RIT2: variants seen among roughly 807,000 people sequenced by gnomAD.
RIT2 encodes the protein GTP-binding protein Rit2.
In RIT2, 24 loss-of-function variants were observed where a neutral mutation model predicts 23.7. The ratio of observed to expected loss-of-function variants is 1.01; its 90% CI spans 0.73 to 1.43. The LOEUF is 1.43. RIT2 is among the 40% of genes most tolerant of loss of function. RIT2 has a pLI of 0.00. For missense variants in RIT2, 236 were observed against 266.9 expected (o/e 0.88, Z 0.81); for synonymous variants, 107 against 91.1 (o/e 1.17, Z -0.99).
intron 1 of RIT2, among the ~76,000 whole-genome samples, chr18:43,094,083 A>C (rs1913488757): frequency 6.6e-6 from 1 of 150,416 alleles, no homozygotes; most frequent in Non-Finnish European, 1.5e-5. Context: ...GCAAAAATCC[A>C]TGAAGAACAT....
intron 4 of RIT2, among the ~76,000 whole-genome samples, chr18:42,778,921 A>G (rs1913741930): frequency 1.3e-5 from 2 of 152,170 alleles, no homozygotes; most frequent in African/African-American, 4.8e-5. Context: ...CCTCTGGACA[A>G]GAGATTGGTT....
At chr18:42,992,429 C>A (rs1467476608) in intron 2 of RIT2, among the ~76,000 whole-genome samples, 1 of 152,112 alleles carries the variant, frequency 6.6e-6, no homozygotes, top group African/African-American at 2.4e-5. Flanking sequence ...CTTCCCAATG[C>A]AACTCGTCCC....
intron 4 of RIT2, among the ~76,000 whole-genome samples, chr18:42,770,814 G>C (rs1459802104): frequency 6.6e-6 from 1 of 150,530 alleles, no homozygotes; most frequent in African/African-American, 2.4e-5. Flanking sequence ...AAGAAAGAAA[G>C]GAAAGAAGAG....
At chr18:43,101,643 A>G (rs560251544) in intron 1 of RIT2, among the ~76,000 whole-genome samples, 28 of 152,324 alleles carry the variant, frequency 1.8e-4, no homozygotes, top group African/African-American at 6.7e-4. Flanking sequence ...TGCTGTTTCA[A>G]ACATGCCAGG....
At chr18:42,827,530 A>T (rs1906329078) in intron 4 of RIT2, among the ~76,000 whole-genome samples, 1 of 152,110 alleles carries the variant, frequency 6.6e-6, no homozygotes, top group South Asian at 2.1e-4. Flanking sequence ...AAGGTAAAAA[A>T]ACTAGGGAAG....
rs567635919 is a variant in RIT2, at chr18:42,842,694, A to G, written c.426+80878T>C. Among the ~76,000 whole-genome samples the G allele has an allele frequency of 2.6e-5, 4 of 152,268 alleles. 1 individual carries two copies. In the South Asian group the frequency reaches 8.3e-4, roughly 32 times the overall value. On this transcript the variant is annotated intron_variant, in intron 4 of 4. Coordinates refer to ENST00000326695, the MANE Select transcript of RIT2 (RefSeq NM_002930.4). ...AATTCAAAATGCTCCAAAATTTGAA[A>G]CATTTTGATGTACCAACACGATGCC...
At chr18:42,770,230 G>T (rs1389466799) in intron 4 of RIT2, among the ~76,000 whole-genome samples, 1 of 152,150 alleles carries the variant, frequency 6.6e-6, no homozygotes, top group Non-Finnish European at 1.5e-5. Flanking sequence ...CAAATAGTTT[G>T]GACCAGTGTC....
At chr18:42,810,278 AC>A (rs1905814788) in intron 4 of RIT2, among the ~76,000 whole-genome samples, 1 of 151,582 alleles carries the variant, frequency 6.6e-6, no homozygotes, top group African/African-American at 2.4e-5. Context: ...AAAACTAATA[AC>A]CCACAGAAAA....
chr18:43,077,262 G>A (rs1229585935), intron 1 of RIT2, among the ~76,000 whole-genome samples: 1 of 152,174 alleles, frequency 6.6e-6, no homozygotes, highest in Non-Finnish European at 1.5e-5. Context: ...TACGTACTGA[G>A]AAGGCAAAAT....
chr18:42,906,638 T>C (rs1482102332), intron 4 of RIT2, among the ~76,000 whole-genome samples: 1 of 152,200 alleles, frequency 6.6e-6, no homozygotes, highest in African/African-American at 2.4e-5. Context: ...TTCCTAATGA[T>C]AATTTTAATT....
intron 4 of RIT2, among the ~76,000 whole-genome samples, chr18:42,872,514 G>A (rs1209844828): frequency 6.6e-6 from 1 of 152,062 alleles, no homozygotes; most frequent in Admixed American, 6.6e-5. Context: ...TGCAGTCCCT[G>A]GAATCCTAAA....
At chr18:42,807,302 C>T (rs1167515464) in intron 4 of RIT2, among the ~76,000 whole-genome samples, 1 of 152,124 alleles carries the variant, frequency 6.6e-6, no homozygotes, top group Non-Finnish European at 1.5e-5. Flanking sequence ...GTCTTGTGTT[C>T]AGAGAACACT....
intron 2 of RIT2, among the ~76,000 whole-genome samples, chr18:43,010,980 T>A (rs1489744606): frequency 6.6e-6 from 1 of 151,608 alleles, no homozygotes; most frequent in African/African-American, 2.4e-5. Context: ...CTGGTTCCTG[T>A]GAAAGACAAT....
chr18:42,900,474 T>C (rs1038094596), intron 4 of RIT2, among the ~76,000 whole-genome samples: 1 of 152,074 alleles, frequency 6.6e-6, no homozygotes, highest in Non-Finnish European at 1.5e-5. Context: ...ATGCATAGCC[T>C]CATTGCACTA....
chr18:42,758,151 T>C (rs1375420822), intron 4 of RIT2, among the ~76,000 whole-genome samples: 4 of 152,104 alleles, frequency 2.6e-5, no homozygotes, highest in African/African-American at 9.7e-5. Flanking sequence ...CGCTCTTATA[T>C]CTGCCCTTTT....
At chr18:42,762,029 G>A (rs1346499929) in intron 4 of RIT2, among the ~76,000 whole-genome samples, 1 of 152,220 alleles carries the variant, frequency 6.6e-6, no homozygotes. Flanking sequence ...TGTCATTAGA[G>A]ATACTGCCAG....
At chr18:42,862,574 A>G (rs1907357691) in intron 4 of RIT2, among the ~76,000 whole-genome samples, 1 of 152,220 alleles carries the variant, frequency 6.6e-6, no homozygotes, top group African/African-American at 2.4e-5. Context: ...CAAAAGCAGA[A>G]ATCAATAATT....
At chr18:42,784,220 C>A (rs1386563809) in intron 4 of RIT2, among the ~76,000 whole-genome samples, 2 of 150,878 alleles carry the variant, frequency 1.3e-5, no homozygotes, top group Non-Finnish European at 3.0e-5. Flanking sequence ...ATGGTAGCTA[C>A]ATAAACCCTT....
At chr18:42,917,748 C>T (rs2144126404) in intron 4 of RIT2, among the ~76,000 whole-genome samples, 1 of 152,272 alleles carries the variant, frequency 6.6e-6, no homozygotes, top group Admixed American at 6.5e-5. Flanking sequence ...GCTATTATGG[C>T]TCTCAAACAT....
Sources: gnomAD v4.1 joint callset for allele counts (sites outside exome capture counted in the v4.1 genomes callset) on GRCh38, gnomAD v4.1.1 for gene constraint, MANE v1.5 for transcripts, NCBI Gene and HGNC (gene_info 2026-07-23, HGNC 2026-07-21) for gene names.